NAPSA: variants seen among roughly 807,000 people sequenced by gnomAD.
NAPSA encodes the protein napsin-A.
NAPSA carries 37 observed loss-of-function variants against 36.7 expected under a neutral mutation model. The ratio of observed to expected loss-of-function variants is 1.01; its 90% confidence interval spans 0.78 to 1.33. The LOEUF (loss-of-function observed/expected upper bound fraction) is 1.33. Among genes scored for constraint, NAPSA ranks in the 40% most tolerant of loss-of-function variants. The probability of loss-of-function intolerance (pLI) is 0.00; values close to 1 mark genes in which losing one functional copy is unlikely to be tolerated. For synonymous variants in NAPSA, 222 were observed against 234.5 expected (o/e 0.95, Z 0.49); for missense variants, 532 against 543.8 (o/e 0.98, Z 0.21).
intron 1 of NAPSA, 28 bp from the exon 2 acceptor site, chr19:50,362,341 A>G (rs2037490198): frequency 6.4e-7 from 1 of 1,567,126 alleles, no homozygotes; most frequent in Non-Finnish European, 8.6e-7. Context: ...ATTGACAGGA[A>G]GCTGCCCTTC....
upstream of NAPSA, chr19:50,369,078 C>T (rs1215289987): frequency 6.6e-6 from 1 of 152,220 alleles, no homozygotes; most frequent in African/African-American, 2.4e-5. Context: ...TTTCCAGAAT[C>T]GCCCAACACA....
chr19:50,365,428 A>G, intron 1 of NAPSA, 111 bp downstream of exon 1: 2 of 972,678 alleles, frequency 2.1e-6, no homozygotes, highest in Non-Finnish European at 3.2e-6. Flanking sequence ...AAGAAGCTCT[A>G]GGGATCCTGG....
upstream of NAPSA, among the ~76,000 whole-genome samples, chr19:50,368,113 G>A (rs1361882438): frequency 6.8e-6 from 1 of 146,238 alleles, no homozygotes; most frequent in Non-Finnish European, 1.5e-5. Context: ...AGCCAAGATC[G>A]CGCTGCTACA....
intron 5 of NAPSA, 47 bp downstream of exon 5, chr19:50,360,894 T>C (rs1243227374): frequency 6.4e-7 from 1 of 1,561,820 alleles, no homozygotes; most frequent in Non-Finnish European, 8.7e-7. Context: ...AAGACTCTCT[T>C]CCTTCTTGGG....
chr19:50,361,830 G>A (rs1238363044), intron 3 of NAPSA, 49 bp from the exon 4 acceptor site: 1 of 1,599,232 alleles, frequency 6.3e-7, no homozygotes, highest in Admixed American at 1.7e-5. Flanking sequence ...TCTCCCCAGT[G>A]CCTACTGCCC....
rs999581053 is a variant in NAPSA, at chr19:50,361,918, G to A, written c.349+51C>T. The A allele has an allele frequency of 6.3e-6, 10 of 1,594,474 alleles. No individual in the cohort carries two copies. In the African/African-American group the frequency reaches 6.7e-5, roughly 11 times the overall value. On this transcript the variant is annotated intron_variant, in intron 3 of 8. Transcript: ENST00000253719. The stretch of plus-strand genomic sequence containing the variant: ...CTCTGAGAAGCTGAGGTCCAGCCCC[G>A]CCTCCTCCCTTCACCCCCATTCAGC...
Position 50,359,913 on chromosome 19 carries a change from C to T in NAPSA, c.669-51G>A, listed in dbSNP as rs769339253. 6 of 1,585,384 alleles carry T rather than the reference C, an allele frequency of 3.8e-6. No homozygotes were observed. In the South Asian group the frequency reaches 6.9e-5, roughly 18 times the overall value. ...TAGATGTCAGTGTCACTGGCCCTCC[C>T]TCAGCCCTAGGTATTGCCAGGAATG... On this transcript the variant is annotated intron_variant, in intron 5 of 8. Transcript: ENST00000253719.
At position 50,358,998 on chromosome 19, in the gene NAPSA, G is replaced by A; in HGVS notation, c.1035+13C>T. On this transcript the variant is annotated intron_variant, in intron 8 of 8. Coordinates refer to ENST00000253719, the MANE Select transcript of NAPSA (RefSeq NM_004851.3). ...TATGACGTCACTATGGCGTCATGGT[G>A]ATGGCCACCTACCTGGATGACGTAA... 1 of 1,607,066 alleles carries A rather than the reference G, an allele frequency of 6.2e-7. No homozygotes were observed. Among genetic ancestry groups the A allele is most frequent in the Non-Finnish European group, 8.5e-7 (1 of 1,173,670 alleles).
chr19:50,365,690 G>A, upstream of NAPSA: 4 of 1,331,310 alleles, frequency 3.0e-6, no homozygotes, highest in African/African-American at 1.5e-5. Context: ...ACTCCACCCT[G>A]TTCATGCCCC....
At chr19:50,359,333 A>G in intron 7 of NAPSA, 170 bp downstream of exon 7, 2 of 954,360 alleles carry the variant, frequency 2.1e-6, no homozygotes, top group African/African-American at 1.6e-5. Context: ...AGACACGTGG[A>G]AAGTGTCCTC....
At chr19:50,368,090 G>T (rs1601132149), upstream of NAPSA, among the ~76,000 whole-genome samples, 1 of 150,924 alleles carries the variant, frequency 6.6e-6, no homozygotes, top group Admixed American at 6.6e-5. Context: ...CCTGGGAGGC[G>T]GAAGTTGCAG....
In NAPSA at chr19:50,362,313, G is replaced by A. The variant is rs961853016; in HGVS notation, c.84C>T (p.Arg28=). The A allele has an allele frequency of 2.5e-6, 4 of 1,597,808 alleles. No homozygotes were observed. The Admixed American group carries it at 5.3e-5, about 21-fold the overall frequency. The stretch of plus-strand genomic sequence containing the variant: ...CAGGTTGGACTCGATGAAGAGGGAT[G>A]CTGTAGGGAAAGAGGATATTGACAG... The part of the protein sequence containing the change: ...NVEPSGATLI[R]IPLHRVQPGR... Residue 28 remains arginine, a splice_region_variant and synonymous_variant, in exon 2 of 9, where the codon CGC becomes CGT. Transcript: ENST00000253719.
intron 1 of NAPSA, chr19:50,362,568 T>C: frequency 3.1e-6 from 1 of 319,410 alleles, no homozygotes; most frequent in Non-Finnish European, 5.7e-6. Context: ...AAATAAGCTA[T>C]TCCCAAGGAA....
At chr19:50,362,383 A>G in intron 1 of NAPSA, 70 bp from the exon 2 acceptor site, 1 of 1,432,266 alleles carries the variant, frequency 7.0e-7, no homozygotes, top group Non-Finnish European at 9.4e-7. Context: ...TTACCCAAAT[A>G]GGATATGATG....
upstream of NAPSA, among the ~76,000 whole-genome samples, chr19:50,368,157 C>CAAAAA (rs56938224): frequency 3.1e-5 from 2 of 64,184 alleles, no homozygotes; most frequent in Admixed American, 1.8e-4. Flanking sequence ...GACTCCCTCT[C>CAAAAA]AAAAAAAAAA....
upstream of NAPSA, among the ~76,000 whole-genome samples, chr19:50,367,597 T>C (rs2037565963): frequency 6.6e-6 from 1 of 151,936 alleles, no homozygotes; most frequent in Admixed American, 6.6e-5. Flanking sequence ...TGTCTCTCTC[T>C]CTCTGCTGAG....
rs112903812 is a variant in NAPSA, at chr19:50,365,011, AAATAAT to A, written c.83+522_83+527del. On this transcript the variant is annotated intron_variant, in intron 1 of 8. Coordinates refer to ENST00000253719, the MANE Select transcript of NAPSA (RefSeq NM_004851.3). ...TGTCTCAAATAATAATAATAATAAT[AAATAAT>A]AATAATAATAATAATAATAATAAAA... Among the ~76,000 whole-genome samples, 710 of 140,546 alleles carry A rather than the reference AAATAAT, an allele frequency of 5.1e-3. 8 individuals carry two copies. The highest frequency in any genetic ancestry group is 0.013 in the African/African-American group (494 of 37,516). 92.2% of individuals were successfully genotyped at this position (140,546 alleles called of 152,430 possible). A position where few individuals can be genotyped will look rare whatever the true frequency, so the allele number is the denominator to read the frequency against.
At chr19:50,361,601 G>T in intron 4 of NAPSA, 62 bp downstream of exon 4, 1 of 1,424,020 alleles carries the variant, frequency 7.0e-7, no homozygotes, top group Non-Finnish European at 9.9e-7. Context: ...TCCTAAGCCA[G>T]ATGATCTTAG....
Position 50,361,050 on chromosome 19 carries a change from A to G in NAPSA, c.559T>C (p.Leu187=), listed in dbSNP as rs372185787. 452 of 1,614,084 alleles carry G rather than the reference A, an allele frequency of 2.8e-4. No individual in the cohort carries two copies. The highest frequency in any genetic ancestry group is 3.6e-4 in the Non-Finnish European group (422 of 1,180,052). The part of the protein sequence containing the change: ...VFAFAHFDGI[L]GLGFPILSVE... ...GACAGAATGGGAAAACCGAGGCCCA[A>G]TATCCCATCAAAATGGGCAAAAGCG... Residue 187 remains leucine, a synonymous_variant, in exon 5 of 9, where the codon TTG becomes CTG. Transcript: ENST00000253719.
Sources: gnomAD v4.1 joint callset for allele counts (sites outside exome capture counted in the v4.1 genomes callset) on GRCh38, gnomAD v4.1.1 for gene constraint, MANE v1.5 for transcripts, NCBI Gene and HGNC (gene_info 2026-07-23, HGNC 2026-07-21) for gene names.